Variants in TM7SF3 observed in about 807,000 individuals in gnomAD.
TM7SF3 encodes the protein seven span transmembrane protein.
TM7SF3 carries 60 observed loss-of-function variants against 65.5 expected under a neutral mutation model. That is an observed-to-expected ratio of 0.92 (90% CI 0.74 to 1.14). The LOEUF (loss-of-function observed/expected upper bound fraction) is 1.14, where lower values mean the gene tolerates loss of function less well. Among genes scored for constraint, TM7SF3 ranks in the 50% most tolerant of loss-of-function variants. The pLI is 0.00. For missense variants in TM7SF3, 623 were observed against 684.8 expected (o/e 0.91, Z 1.01); for synonymous variants, 264 against 259.6 (o/e 1.02, Z -0.16).
At chr12:26,997,626 A>T (rs1307636336) in intron 3 of TM7SF3, among the ~76,000 whole-genome samples, 3 of 151,918 alleles carry the variant, frequency 2.0e-5, no homozygotes, top group African/African-American at 7.3e-5. Context: ...TTTCCTAACT[A>T]GCGCTCCCTC....
In TM7SF3 at chr12:26,972,926, T is replaced by G. The variant is rs1271321666; in HGVS notation, c.*1039A>C. Among the ~76,000 whole-genome samples, 1 of 152,026 alleles carries G rather than the reference T, an allele frequency of 6.6e-6. No homozygotes were observed. Among genetic ancestry groups the G allele is most frequent in the Non-Finnish European group, 1.5e-5 (1 of 68,002 alleles). On this transcript the variant is annotated 3_prime_UTR_variant, in exon 12 of 12. Coordinates refer to ENST00000343028, the MANE Select transcript of TM7SF3 (RefSeq NM_016551.3). ...TATAAAATTCTATTATCTATATAAA[T>G]TGGCCTATTTTCAAATAATAATTTA... is the stretch of plus-strand genomic sequence containing the variant.
chr12:27,007,751 T>A (rs1314076712), intron 1 of TM7SF3, among the ~76,000 whole-genome samples: 2 of 152,198 alleles, frequency 1.3e-5, no homozygotes, highest in Non-Finnish European at 2.9e-5. Context: ...CACATCTTCT[T>A]TCCTCCCCAG....
Position 27,003,302 on chromosome 12 carries a change from G to C in TM7SF3, c.180C>G (p.Ser60Arg), listed in dbSNP as rs746547236. 6.2e-7 allele frequency: 1 copy of C among 1,613,176 alleles called. No homozygotes were observed. The highest frequency in any genetic ancestry group is 1.1e-5 in the South Asian group (1 of 91,054). ...TTTGGAAAATAAGAAAAGTCACATT[G>C]CTTGAAATATCATGCAAAATAGCTT... Reference protein sequence around the residue: ...PEEAILHDISSNVTFLIFQIH... With the variant: ...PEEAILHDISRNVTFLIFQIH... Residue 60 changes from serine (S) to arginine (R), a missense_variant, in exon 2 of 12, where the codon AGC becomes AGG. By Grantham distance (110) the Ser-to-Arg change is moderately radical. Coordinates refer to ENST00000343028, the MANE Select transcript of TM7SF3 (RefSeq NM_016551.3).
rs769229489 is a variant in TM7SF3 at position 27,003,337 on chromosome 12, A to G, written c.145T>C (p.Phe49Leu). The change falls in exon 2 of 12, where the codon TTT becomes CTT. Residue 49 changes from phenylalanine to leucine, a missense_variant. Transcript: ENST00000343028. ...TCATGCAAAATAGCTTCCTCTGGAA[A>G]GGGCCTATTGAGCTCGAAGTATCTA... ...KFRYFELNRP[F>L]PEEAILHDIS... is the part of the protein sequence containing the mutation. 6.2e-7 allele frequency: 1 copy of G among 1,613,830 alleles called. No homozygotes were observed. Among genetic ancestry groups the G allele is most frequent in the South Asian group, 1.1e-5 (1 of 91,046 alleles).
rs1464925834 is a variant in TM7SF3, at chr12:26,999,511, A to C, written c.397+15T>G. On this transcript the variant is annotated intron_variant, in intron 3 of 11. Coordinates refer to ENST00000343028, the MANE Select transcript of TM7SF3 (RefSeq NM_016551.3). The stretch of plus-strand genomic sequence containing the variant: ...ATTCCAAAGAGTAAGAGGGAGGAGA[A>C]GACAGAAGGGTTACCTCTTTCTGAG... 1 of 1,613,382 alleles carries C rather than the reference A, an allele frequency of 6.2e-7. No individual in the cohort carries two copies. Among genetic ancestry groups the C allele is most frequent in the East Asian group, 2.2e-5 (1 of 44,882 alleles).
intron 10 of TM7SF3, among the ~76,000 whole-genome samples, 176 bp downstream of exon 10, chr12:26,976,084 G>A (rs891462635): frequency 1.3e-5 from 2 of 152,130 alleles, no homozygotes; most frequent in African/African-American, 4.8e-5. Flanking sequence ...AACACCATGT[G>A]GTAATCATAA....
intron 9 of TM7SF3, chr12:26,977,911 G>T: frequency 3.3e-6 from 1 of 305,994 alleles, no homozygotes; most frequent in Non-Finnish European, 6.5e-6. Flanking sequence ...ACCACCCTAG[G>T]CAACAGTGAG....
chr12:26,985,129 A>G (rs10842821), intron 6 of TM7SF3, among the ~76,000 whole-genome samples: 11,184 of 152,248 alleles, frequency 0.073, 515 homozygotes, highest in Non-Finnish European at 0.1. Context: ...GGGCCTTTCT[A>G]TTTAGAAGGG....
Position 27,001,891 on chromosome 12 carries a change from C to T in TM7SF3, c.246+1345G>A, listed in dbSNP as rs76906696. On this transcript the variant is annotated intron_variant, in intron 2 of 11. Coordinates refer to ENST00000343028, the MANE Select transcript of TM7SF3 (RefSeq NM_016551.3). ...AAGTTATGAAATTTAACATGCTTTACCTTCTGCTTTAGCTGCAAAGAACTT... is the reference window on the plus strand; with the variant it reads ...AAGTTATGAAATTTAACATGCTTTATCTTCTGCTTTAGCTGCAAAGAACTT... 3.3e-3 allele frequency among the ~76,000 whole-genome samples: 495 copies of T among 152,302 alleles called. 5 individuals are homozygous for T. Among genetic ancestry groups the T allele is most frequent in the African/African-American group, 0.011 (473 of 41,550 alleles).
chr12:26,999,494 G>C (rs1381750397), intron 3 of TM7SF3, 32 bp downstream of exon 3: 2 of 1,605,368 alleles, frequency 1.2e-6, no homozygotes, highest in East Asian at 2.2e-5. Flanking sequence ...ATATTCCAAA[G>C]AGTAAGAGGG....
intron 1 of TM7SF3, chr12:27,013,104 C>T (rs1478708766): frequency 5.9e-6 from 1 of 168,542 alleles, no homozygotes; most frequent in Non-Finnish European, 1.3e-5. Flanking sequence ...TTTGAAGTGG[C>T]AATAGAACTT....
At chr12:27,013,926 C>G in intron 1 of TM7SF3, 152 bp downstream of exon 1, 2 of 717,690 alleles carry the variant, frequency 2.8e-6, no homozygotes. Context: ...GCAGGAAACA[C>G]CATTCGTGCC....
At chr12:27,010,056 ATGTT>A (rs1266592347) in intron 1 of TM7SF3, among the ~76,000 whole-genome samples, 1 of 152,210 alleles carries the variant, frequency 6.6e-6, no homozygotes, top group Admixed American at 6.5e-5. Flanking sequence ...CATACAGTAA[ATGTT>A]TGTTAAATGA....
rs1325028134 is a variant in TM7SF3, at chr12:26,996,748, T to A, written c.512A>T (p.Tyr171Phe). ...ACATGGGAGACAGACGTACCTCGCA[T>A]AGCCTAGGTTTGCTGGGGCAAACTT... ...TIKFAPANLG[Y>F]ARGVDPPPCD... The change falls in exon 4 of 12, where the codon TAT (tyrosine) becomes TTT (phenylalanine). Residue 171 changes from tyrosine to phenylalanine, a missense_variant. By Grantham distance (22) the Tyr-to-Phe change is conservative. Transcript: ENST00000343028. The A allele has an allele frequency of 1.2e-6, 2 of 1,611,310 alleles. No individual in the cohort carries two copies. The highest frequency in any genetic ancestry group is 2.7e-5 in the African/African-American group (2 of 74,724).
Position 26,996,729 on chromosome 12 carries a change from G to A in TM7SF3, c.518+13C>T. 2 of 1,603,848 alleles carry A rather than the reference G, an allele frequency of 1.2e-6. No individual in the cohort carries two copies. Among genetic ancestry groups the A allele is most frequent in the Non-Finnish European group, 8.5e-7 (1 of 1,176,906 alleles). On this transcript the variant is annotated intron_variant, in intron 4 of 11. Transcript: ENST00000343028. ...TTCTAAAAGCATTTCTCAGACATGG[G>A]AGACAGACGTACCTCGCATAGCCTA...
chr12:27,003,921 G>C (rs1292145526), intron 1 of TM7SF3, among the ~76,000 whole-genome samples: 2 of 152,152 alleles, frequency 1.3e-5, no homozygotes, highest in African/African-American at 4.8e-5. Flanking sequence ...GTCTAATGGA[G>C]ACTGCAAAGG....
intron 6 of TM7SF3, among the ~76,000 whole-genome samples, chr12:26,985,641 AAAAAAAAAAAAATATATAT>A (rs1223584780): frequency 6.2e-4 from 43 of 69,450 alleles, no homozygotes; most frequent in South Asian, 4.3e-3. Flanking sequence ...AAAAAAAAAA[AAAAAAAAAAAAATATATAT>A]ATATATATAT....
At chr12:26,998,747 A>G (rs10842825) in intron 3 of TM7SF3, among the ~76,000 whole-genome samples, 51,486 of 151,856 alleles carry the variant, frequency 0.34, 8,852 homozygotes, top group Non-Finnish European at 0.36. Context: ...TCCCCACACT[A>G]CTTCTAGAGT....
At chr12:26,982,930 AC>A in intron 6 of TM7SF3, 71 bp from the exon 7 acceptor site, 1 of 1,112,468 alleles carries the variant, frequency 9.0e-7, no homozygotes, top group Non-Finnish European at 1.3e-6. Context: ...TATAGAACGA[AC>A]CTTCATCAAA....
Sources: allele counts gnomAD v4.1 joint callset (sites outside exome capture counted in the v4.1 genomes callset), GRCh38; gene constraint gnomAD v4.1.1; transcripts MANE v1.5; gene names NCBI Gene and HGNC (gene_info 2026-07-23, HGNC 2026-07-21).